Variants in TMEM117 observed in about 807,000 individuals in gnomAD.
The protein encoded by TMEM117 is transmembrane protein 117.
In TMEM117, 27 loss-of-function variants were observed where a neutral mutation model predicts 52.4. The observed-to-expected ratio is 0.51, with a 90% CI of 0.38 to 0.71. The LOEUF is 0.71. TMEM117 is among the 30% of genes least tolerant of loss of function. TMEM117 has a pLI of 0.00. For synonymous variants in TMEM117, 215 were observed against 206.3 expected (o/e 1.04, Z -0.36); for missense variants, 556 against 630.5 (o/e 0.88, Z 1.26).
intron 2 of TMEM117, among the ~76,000 whole-genome samples, chr12:43,845,433 C>CCTGGGTGA (rs1380731012): frequency 1.5e-5 from 2 of 137,892 alleles, no homozygotes; most frequent in Admixed American, 7.5e-5. Flanking sequence ...TGCACTACAG[C>CCTGGGTGA]CTGGGTGACA....
intron 5 of TMEM117, among the ~76,000 whole-genome samples, chr12:44,282,118 G>A: frequency 6.6e-6 from 1 of 151,980 alleles, no homozygotes; most frequent in East Asian, 1.9e-4. Flanking sequence ...TTTTTCTCTT[G>A]TTGCCACCAT....
In TMEM117 at chr12:44,300,508, C is replaced by T. The variant is rs149647328; in HGVS notation, c.768+769C>T. On this transcript the variant is annotated intron_variant, in intron 6 of 7. Transcript: ENST00000266534. ...AAAGACTACAATTACTGAAGGAATA[C>T]TCCACTGTATTCTGAATTTATGTGA... 6.8e-3 allele frequency among the ~76,000 whole-genome samples: 1,032 copies of T among 152,284 alleles called. 13 individuals carry two copies. Among genetic ancestry groups the T allele is most frequent in the African/African-American group, 0.024 (1,000 of 41,552 alleles).
At chr12:44,007,560 C>T (rs1946219344) in intron 3 of TMEM117, among the ~76,000 whole-genome samples, 1 of 152,144 alleles carries the variant, frequency 6.6e-6, no homozygotes, top group African/African-American at 2.4e-5. Flanking sequence ...GGGATACATT[C>T]TAAGACTTCT....
intron 4 of TMEM117, among the ~76,000 whole-genome samples, chr12:44,164,952 T>C (rs1027107097): frequency 6.6e-6 from 1 of 152,204 alleles, no homozygotes; most frequent in Admixed American, 6.5e-5. Flanking sequence ...TCTGGCTATT[T>C]TGAAATATAC....
At chr12:44,090,337 A>G (rs12317358) in intron 3 of TMEM117, among the ~76,000 whole-genome samples, 3,490 of 151,780 alleles carry the variant, frequency 0.023, 93 homozygotes, top group African/African-American at 0.061. Flanking sequence ...CCACTTTTGG[A>G]TTCTCCAGGG....
At chr12:43,922,766 T>C (rs1402407849) in intron 2 of TMEM117, among the ~76,000 whole-genome samples, 1 of 152,160 alleles carries the variant, frequency 6.6e-6, no homozygotes, top group Non-Finnish European at 1.5e-5. Flanking sequence ...CTTTGATCAT[T>C]TTGTAGACTA....
intron 4 of TMEM117, among the ~76,000 whole-genome samples, chr12:44,153,106 T>C (rs1948778891): frequency 1.3e-5 from 2 of 151,836 alleles, no homozygotes; most frequent in South Asian, 4.1e-4. Flanking sequence ...TCAGCTAATA[T>C]TAATGAGTAC....
chr12:44,115,839 C>T (rs1948132090), intron 3 of TMEM117, among the ~76,000 whole-genome samples: 1 of 152,182 alleles, frequency 6.6e-6, no homozygotes, highest in Non-Finnish European at 1.5e-5. Flanking sequence ...CAGGTCTTTA[C>T]AAAGCTAGCC....
In TMEM117 at chr12:44,201,069, A is replaced by G. The variant is rs74560240; in HGVS notation, c.511-10221A>G. Among the ~76,000 whole-genome samples, 21 of 152,328 alleles carry G rather than the reference A, an allele frequency of 1.4e-4. No homozygotes were observed. The East Asian group carries it at 3.9e-3, about 28-fold the overall frequency. On this transcript the variant is annotated intron_variant, in intron 4 of 7. Coordinates refer to ENST00000266534, the MANE Select transcript of TMEM117 (RefSeq NM_032256.3). ...GATGAGAGGAAAATGATGACCAAAC[A>G]TATTATATTGAATTTTTTAAAATTA...
intron 3 of TMEM117, among the ~76,000 whole-genome samples, chr12:44,071,094 T>C (rs986834287): frequency 1.3e-5 from 2 of 152,222 alleles, no homozygotes; most frequent in African/African-American, 2.4e-5. Context: ...GTTTTATAAA[T>C]TGCATAATTA....
At chr12:44,153,392 A>G (rs892694142) in intron 4 of TMEM117, among the ~76,000 whole-genome samples, 4 of 152,074 alleles carry the variant, frequency 2.6e-5, no homozygotes, top group African/African-American at 9.7e-5. Context: ...GCATATAGAC[A>G]TAGATTTTGG....
chr12:44,309,776 TAA>T (rs61352410), intron 6 of TMEM117, among the ~76,000 whole-genome samples: 3,735 of 134,616 alleles, frequency 0.028, 165 homozygotes, highest in African/African-American at 0.092. Context: ...GAATGAGAAT[TAA>T]AAAAAAAAAA....
At chr12:44,354,159 G>T (rs1299861828) in intron 6 of TMEM117, among the ~76,000 whole-genome samples, 1 of 152,122 alleles carries the variant, frequency 6.6e-6, no homozygotes, top group Non-Finnish European at 1.5e-5. Context: ...CTGAGACTTT[G>T]CTGAAGTTGC....
At chr12:43,943,176 C>CAAAAAAAA (rs10667663) in intron 2 of TMEM117, among the ~76,000 whole-genome samples, 2 of 72,222 alleles carry the variant, frequency 2.8e-5, no homozygotes, top group African/African-American at 5.5e-5. Flanking sequence ...GACTCTGTCT[C>CAAAAAAAA]AAAAAAAAAA....
intron 5 of TMEM117, among the ~76,000 whole-genome samples, chr12:44,239,536 G>A (rs997286920): frequency 1.3e-5 from 2 of 151,974 alleles, no homozygotes; most frequent in Admixed American, 1.3e-4. Context: ...TTGGTTCTTA[G>A]CGATCTCAAT....
chr12:43,955,106 T>C (rs562232193), intron 3 of TMEM117, among the ~76,000 whole-genome samples: 4 of 152,294 alleles, frequency 2.6e-5, no homozygotes, highest in African/African-American at 9.6e-5. Flanking sequence ...AAAAACTCAA[T>C]AAACTAGGTG....
intron 3 of TMEM117, among the ~76,000 whole-genome samples, chr12:44,104,847 T>C (rs1222232382): frequency 6.6e-6 from 1 of 152,052 alleles, no homozygotes; most frequent in Non-Finnish European, 1.5e-5. Context: ...TAGATGTAAT[T>C]CTTATCTTTA....
At chr12:43,820,164 C>T in the TMEM117 span, among the ~76,000 whole-genome samples, 2 of 152,078 alleles carry the variant, frequency 1.3e-5, no homozygotes, top group East Asian at 3.9e-4. Context: ...GTGGCGCAAC[C>T]TCGGCTCACT....
At position 44,314,251 on chromosome 12, in the gene TMEM117, A is replaced by AT. The variant is rs569412432; in HGVS notation, c.768+14519dup. ...TGTAGATTTTTTATAGATGACTCTTATTTTTTTGATGTATGTTCCTTCAAG... is the reference window on the plus strand; with the variant it reads ...TGTAGATTTTTTATAGATGACTCTTATTTTTTTTGATGTATGTTCCTTCAAG... On this transcript the variant is annotated intron_variant, in intron 6 of 7. Transcript: ENST00000266534. 2.4e-3 allele frequency among the ~76,000 whole-genome samples: 359 copies of AT among 151,932 alleles called. 2 individuals carry two copies. The highest frequency in any genetic ancestry group is 4.0e-3 in the Non-Finnish European group (275 of 67,926).
Sources: allele counts gnomAD v4.1 joint callset (sites outside exome capture counted in the v4.1 genomes callset), GRCh38; gene constraint gnomAD v4.1.1; transcripts MANE v1.5; gene names NCBI Gene and HGNC (gene_info 2026-07-23, HGNC 2026-07-21).